The following MPP7 variants were observed in gnomAD, a reference collection of about 807,000 sequenced individuals.
The protein encoded by MPP7 is MAGUK p55 scaffold protein 7.
In MPP7, 60 loss-of-function variants were observed where a neutral mutation model predicts 76.5. The ratio of observed to expected loss-of-function variants is 0.78; its 90% CI spans 0.64 to 0.97. The LOEUF is 0.97. Ranked by LOEUF, MPP7 falls within the 50% of genes least tolerant of loss-of-function variation. The pLI is 0.00. For synonymous variants in MPP7, 237 were observed against 244.5 expected (o/e 0.97, Z 0.29); for missense variants, 641 against 694.0 (o/e 0.92, Z 0.86).
chr10:28,281,340 C>T (rs559108454), intron 1 of MPP7, among the ~76,000 whole-genome samples: 2 of 152,180 alleles, frequency 1.3e-5, no homozygotes, highest in East Asian at 1.9e-4. Flanking sequence ...CCACCCACCT[C>T]GGCCTCCCAA....
At chr10:28,072,773 C>T (rs538369844) in intron 12 of MPP7, among the ~76,000 whole-genome samples, 1 of 152,320 alleles carries the variant, frequency 6.6e-6, no homozygotes, top group South Asian at 2.1e-4. Flanking sequence ...ATATTAAATC[C>T]AAATTCCCCA....
intron 5 of MPP7, among the ~76,000 whole-genome samples, chr10:28,136,436 TG>T (rs905069545): frequency 2.0e-5 from 3 of 151,930 alleles, no homozygotes; most frequent in African/African-American, 7.3e-5. Context: ...AAACTCACAA[TG>T]ACTCAAAATT....
At chr10:28,275,760 A>C (rs1840475320) in intron 1 of MPP7, among the ~76,000 whole-genome samples, 1 of 151,648 alleles carries the variant, frequency 6.6e-6, no homozygotes, top group Non-Finnish European at 1.5e-5. Context: ...ATTACCACCA[A>C]CATGCCAGTC....
chr10:28,309,906 A>G (rs1841280025), intron 2 of MPP7, among the ~76,000 whole-genome samples: 1 of 151,796 alleles, frequency 6.6e-6, no homozygotes, highest in Non-Finnish European at 1.5e-5. Context: ...CCCTTCTGCC[A>G]TGAATAAAAG....
At chr10:28,242,825 T>G (rs143643978) in intron 1 of MPP7, among the ~76,000 whole-genome samples, 18 of 151,544 alleles carry the variant, frequency 1.2e-4, no homozygotes, top group African/African-American at 4.9e-5. Context: ...TCATTCAGAG[T>G]AGGAGGAGGA....
At chr10:28,321,759 A>G (rs994593235) in intron 2 of MPP7, among the ~76,000 whole-genome samples, 10 of 151,654 alleles carry the variant, frequency 6.6e-5, no homozygotes, top group African/African-American at 2.4e-4. Flanking sequence ...TAATTTTTAT[A>G]TTTTTTAGTA....
At chr10:28,227,092 T>C (rs16928633) in intron 2 of MPP7, among the ~76,000 whole-genome samples, 24,867 of 152,150 alleles carry the variant, frequency 0.16, 2,385 homozygotes, top group African/African-American at 0.26. Flanking sequence ...CCATAATACC[T>C]GAAGAGGACT....
intron 2 of MPP7, among the ~76,000 whole-genome samples, chr10:28,316,171 T>G (rs1834317253): frequency 6.6e-6 from 1 of 151,976 alleles, no homozygotes; most frequent in Admixed American, 6.6e-5. Context: ...ACATGGTGGC[T>G]CACGCCTGTA....
chr10:28,289,788 T>A (rs534666279), intron 1 of MPP7, among the ~76,000 whole-genome samples: 53 of 152,272 alleles, frequency 3.5e-4, no homozygotes, highest in Admixed American at 1.4e-3. Context: ...GATAATGATT[T>A]ACTTCTTCCC....
At chr10:28,220,551 A>G (rs1332791537) in intron 2 of MPP7, among the ~76,000 whole-genome samples, 4 of 152,198 alleles carry the variant, frequency 2.6e-5, no homozygotes, top group Admixed American at 6.5e-5. Context: ...TGGATTTTAC[A>G]TTACATTGCA....
intron 12 of MPP7, among the ~76,000 whole-genome samples, chr10:28,087,716 G>A (rs1393289498): frequency 6.6e-6 from 1 of 152,122 alleles, no homozygotes; most frequent in Non-Finnish European, 1.5e-5. Context: ...TTTATTACAT[G>A]TCTTTCCCCT....
intron 3 of MPP7, among the ~76,000 whole-genome samples, chr10:28,165,305 A>G (rs1836411653): frequency 6.6e-6 from 1 of 152,186 alleles, no homozygotes; most frequent in Non-Finnish European, 1.5e-5. Context: ...CAAGAGGATC[A>G]GTTGAGGCCA....
At chr10:28,274,091 A>C (rs1840412648) in intron 1 of MPP7, among the ~76,000 whole-genome samples, 2 of 150,524 alleles carry the variant, frequency 1.3e-5, no homozygotes, top group Non-Finnish European at 2.9e-5. Flanking sequence ...CTGTAAAATA[A>C]AATTTTTTTC....
intron 1 of MPP7, among the ~76,000 whole-genome samples, chr10:28,271,872 G>C (rs1840337054): frequency 6.6e-6 from 1 of 152,134 alleles, no homozygotes; most frequent in Non-Finnish European, 1.5e-5. Flanking sequence ...CTACTCGGGA[G>C]GCTGAGGCAG....
At chr10:28,114,100 G>A (rs968151094) in intron 11 of MPP7, among the ~76,000 whole-genome samples, 1 of 152,160 alleles carries the variant, frequency 6.6e-6, no homozygotes, top group Non-Finnish European at 1.5e-5. Flanking sequence ...ACAAAGGGGA[G>A]GCCAAGAAGA....
chr10:28,054,934 C>T (rs963678249), intron 16 of MPP7, among the ~76,000 whole-genome samples: 1 of 152,212 alleles, frequency 6.6e-6, no homozygotes, highest in African/African-American at 2.4e-5. Flanking sequence ...CTGCCTCGGC[C>T]TCCCAAAGTG....
intron 3 of MPP7, among the ~76,000 whole-genome samples, chr10:28,192,625 A>G (rs953202325): frequency 3.9e-5 from 6 of 152,246 alleles, no homozygotes; most frequent in Non-Finnish European, 5.9e-5. Flanking sequence ...AAATCAAACA[A>G]GATCTCAATA....
Position 28,057,603 on chromosome 10 carries a change from C to CTT in MPP7, c.1407+891_1407+892insAA, listed in dbSNP as rs1564608930. On this transcript the variant is annotated intron_variant, in intron 15 of 16. Transcript: ENST00000683449. ...CTGCAGAGCAGTGAGCCAATTAAAC[C>CTT]TCTTTTTTTTTTTTTTTTTTTTTTT... 6.1e-5 allele frequency: 16 copies of CTT among 263,692 alleles called. No homozygotes were observed. The African/African-American group carries it at 6.4e-4, about 11-fold the overall frequency. 16.3% of individuals were successfully genotyped at this position (263,692 alleles called of 1,614,324 possible).
At chr10:28,261,456 C>T (rs1839947050) in intron 1 of MPP7, among the ~76,000 whole-genome samples, 1 of 152,150 alleles carries the variant, frequency 6.6e-6, no homozygotes, top group African/African-American at 2.4e-5. Context: ...AACCATTGTC[C>T]CTGCCATTCT....
Sources: allele counts gnomAD v4.1 joint callset (sites outside exome capture counted in the v4.1 genomes callset), GRCh38; gene constraint gnomAD v4.1.1; transcripts MANE v1.5; gene names NCBI Gene and HGNC (gene_info 2026-07-23, HGNC 2026-07-21).